The following ATP13A5 variants were observed in gnomAD, a reference collection of about 807,000 sequenced individuals.
The protein encoded by ATP13A5 is ATPase 13A5, also known as probable cation-transporting ATPase 13A5.
In ATP13A5, 149 loss-of-function variants were observed where a neutral mutation model predicts 150.2. The ratio of observed to expected loss-of-function variants is 0.99; its 90% CI spans 0.87 to 1.14. The LOEUF (loss-of-function observed/expected upper bound fraction) is 1.14. Among genes scored for constraint, ATP13A5 ranks in the 50% most tolerant of loss-of-function variants. ATP13A5 has a pLI of 0.00. For missense variants in ATP13A5, 1,383 were observed against 1,449.3 expected, an observed-to-expected ratio of 0.95 and a Z score of 0.74; for synonymous variants, 497 against 522.2, an observed-to-expected ratio of 0.95 and a Z score of 0.66.
chr3:193,328,219 C>T (rs548175542), intron 12 of ATP13A5, among the ~76,000 whole-genome samples: 3 of 152,106 alleles, frequency 2.0e-5, no homozygotes, highest in East Asian at 1.9e-4. Context: ...GTGAATCATA[C>T]GGGGTATGTG....
intron 8 of ATP13A5, among the ~76,000 whole-genome samples, 183 bp downstream of exon 8, chr3:193,344,820 A>C (rs1712268938): frequency 1.3e-5 from 2 of 152,190 alleles, no homozygotes; most frequent in Admixed American, 1.3e-4. Context: ...CTGTGGGGTC[A>C]GCACTGGCAT....
At chr3:193,374,476 C>G (rs1713567988) in intron 1 of ATP13A5, among the ~76,000 whole-genome samples, 1 of 152,052 alleles carries the variant, frequency 6.6e-6, no homozygotes, top group South Asian at 2.1e-4. Flanking sequence ...GACCTCGTCT[C>G]TACTGAAATT....
At chr3:193,361,736 C>A (rs577840730) in intron 5 of ATP13A5, among the ~76,000 whole-genome samples, 4 of 152,112 alleles carry the variant, frequency 2.6e-5, no homozygotes, top group Non-Finnish European at 4.4e-5. Flanking sequence ...CTATAGGTAC[C>A]AATCTCATGA....
intron 17 of ATP13A5, among the ~76,000 whole-genome samples, chr3:193,317,882 C>G (rs942535001): frequency 2.0e-5 from 3 of 152,206 alleles, no homozygotes; most frequent in African/African-American, 4.8e-5. Flanking sequence ...GATGGCTACA[C>G]TCCATCACTA....
At chr3:193,366,725 C>T (rs1713254600) in intron 1 of ATP13A5, among the ~76,000 whole-genome samples, 1 of 152,014 alleles carries the variant, frequency 6.6e-6, no homozygotes, top group African/African-American at 2.4e-5. Flanking sequence ...GAAGTCTGAA[C>T]ACCTCCACTA....
intron 27 of ATP13A5, among the ~76,000 whole-genome samples, chr3:193,283,343 G>A (rs1717580839): frequency 1.3e-5 from 2 of 151,970 alleles, no homozygotes; most frequent in Admixed American, 1.3e-4. Context: ...AAAACTTCCT[G>A]TGCATAAAGA....
intron 29 of ATP13A5, among the ~76,000 whole-genome samples, chr3:193,275,564 A>G (rs143262423): frequency 1.3e-4 from 20 of 152,178 alleles, no homozygotes; most frequent in Middle Eastern, 3.4e-3. Context: ...GGATTTTCTT[A>G]GAATGATTTT....
chr3:193,362,750 C>CTTCT (rs751840109), intron 3 of ATP13A5, 113 bp from the exon 4 acceptor site: 9,350 of 632,458 alleles, frequency 0.015, 311 homozygotes, highest in East Asian at 0.037. Context: ...ACTTGCTTTC[C>CTTCT]TTCTTTCTTT....
intron 5 of ATP13A5, among the ~76,000 whole-genome samples, chr3:193,355,477 G>A (rs1560147964): frequency 1.3e-5 from 2 of 152,126 alleles, no homozygotes; most frequent in Non-Finnish European, 2.9e-5. Context: ...GGACCAATGG[G>A]GAGAATCTGC....
At chr3:193,355,130 C>G (rs1328196838) in intron 5 of ATP13A5, among the ~76,000 whole-genome samples, 1 of 151,910 alleles carries the variant, frequency 6.6e-6, no homozygotes, top group Non-Finnish European at 1.5e-5. Context: ...CGGGGTTTCT[C>G]CATCTTGGTC....
chr3:193,373,715 T>C (rs1287885206), intron 1 of ATP13A5, among the ~76,000 whole-genome samples: 2 of 152,148 alleles, frequency 1.3e-5, no homozygotes, highest in Non-Finnish European at 2.9e-5. Context: ...GGAGAGCTAG[T>C]GGTATTGTTC....
chr3:193,355,177 CCG>C (rs1712735581), intron 5 of ATP13A5, among the ~76,000 whole-genome samples: 1 of 152,006 alleles, frequency 6.6e-6, no homozygotes, highest in Non-Finnish European at 1.5e-5. Flanking sequence ...GGTGATCCAC[CCG>C]CCTCAGCCTC....
chr3:193,332,320 C>T (rs1256779259), intron 11 of ATP13A5, among the ~76,000 whole-genome samples: 4 of 152,172 alleles, frequency 2.6e-5, no homozygotes, highest in Non-Finnish European at 5.9e-5. Flanking sequence ...GTCTCTTAAA[C>T]CTCTTTCCTT....
intron 17 of ATP13A5, among the ~76,000 whole-genome samples, chr3:193,315,758 G>A (rs189815006): frequency 9.8e-4 from 149 of 152,240 alleles, no homozygotes; most frequent in Non-Finnish European, 4.1e-4. Context: ...GTGGTGTTAA[G>A]ATTACAGGGA....
intron 5 of ATP13A5, 108 bp from the exon 6 acceptor site, chr3:193,354,304 CT>C (rs1712691070): frequency 4.0e-6 from 4 of 988,488 alleles, no homozygotes; most frequent in Non-Finnish European, 6.0e-6. Context: ...GATTTTGTGA[CT>C]TTGATTAAAA....
intron 6 of ATP13A5, among the ~76,000 whole-genome samples, chr3:193,352,509 T>C (rs1050934814): frequency 1.3e-5 from 2 of 152,040 alleles, no homozygotes; most frequent in African/African-American, 2.4e-5. Context: ...TTTTTCTTTC[T>C]ACTAAAGGGC....
intron 1 of ATP13A5, among the ~76,000 whole-genome samples, chr3:193,373,242 G>A (rs142076875): frequency 3.7e-3 from 565 of 152,106 alleles, no homozygotes; most frequent in Non-Finnish European, 5.4e-3. Context: ...AGGTTCAAGC[G>A]ATCTCCTGCC....
chr3:193,278,707 T>A (rs142651420), intron 28 of ATP13A5, among the ~76,000 whole-genome samples: 2 of 152,224 alleles, frequency 1.3e-5, no homozygotes, highest in Non-Finnish European at 2.9e-5. Context: ...TGGGGCCTCC[T>A]TCTTCTATGT....
intron 5 of ATP13A5, among the ~76,000 whole-genome samples, chr3:193,355,227 C>G (rs982114401): frequency 6.6e-6 from 1 of 152,078 alleles, no homozygotes; most frequent in East Asian, 1.9e-4. Flanking sequence ...CCAGCACGCC[C>G]GGCCTACAAT....
Sources: gnomAD v4.1 joint callset for allele counts (sites outside exome capture counted in the v4.1 genomes callset) on GRCh38, gnomAD v4.1.1 for gene constraint, MANE v1.5 for transcripts, NCBI Gene and HGNC (gene_info 2026-07-23, HGNC 2026-07-21) for gene names.